The following OR5A2 variants were observed in gnomAD, a reference collection of about 807,000 sequenced individuals.
OR5A2 encodes olfactory receptor family 5 subfamily A member 2.
For missense variants in OR5A2, 406 were observed against 398.9 expected, an observed-to-expected ratio of 1.02 and a Z score of -0.15; for synonymous variants, 155 against 151.1, an observed-to-expected ratio of 1.03 and a Z score of -0.19.
At chr11:59,424,695 T>C (rs2134524917) in intron 1 of OR5A2, 1 of 152,356 alleles carries the variant, frequency 6.6e-6, no homozygotes, top group East Asian at 1.9e-4. Flanking sequence ...AAGGTTGCTG[T>C]ATTTTATTAT....
chr11:59,418,016 A>T lies in OR5A2; in HGVS notation c.*3963T>A, dbSNP rs1361050697. 2.6e-5 allele frequency: 4 copies of T among 152,066 alleles called. No individual in the cohort carries two copies. Among genetic ancestry groups the T allele is most frequent in the South Asian group, 2.1e-4 (1 of 4,830 alleles). 9.4% of individuals were successfully genotyped at this position (152,066 alleles called of 1,614,324 possible). A position where few individuals can be genotyped will look rare whatever the true frequency, so the allele number is the denominator to read the frequency against. On this transcript the variant is annotated 3_prime_UTR_variant, in exon 2 of 2. Coordinates refer to ENST00000302040, the MANE Select transcript of OR5A2 (RefSeq NM_001001954.2). ...GTCACAGAAGCATTTTAGAGAAAAAAATATATATTTCTTAGACCAAAAGTA... is the reference window on the plus strand; with the variant it reads ...GTCACAGAAGCATTTTAGAGAAAAATATATATATTTCTTAGACCAAAAGTA...
At position 59,422,609 on chromosome 11, in the gene OR5A2, G is replaced by C. The variant is rs1419965060; in HGVS notation, c.345C>G (p.Leu115=). ...FCGMGLTECF[L]LAAMAYDRYA... is the part of the protein sequence containing the mutation. ...ACCGGTCATAGGCCATAGCTGCCAG[G>C]AGAAAGCATTCAGTCAGCCCCATCC... The change falls in exon 2 of 2, where the codon CTC becomes CTG. Residue 115 remains leucine (L), a synonymous_variant. Coordinates refer to ENST00000302040, the MANE Select transcript of OR5A2 (RefSeq NM_001001954.2). 6.2e-7 allele frequency: 1 copy of C among 1,614,060 alleles called. No individual in the cohort carries two copies. Among genetic ancestry groups the C allele is most frequent in the Non-Finnish European group, 8.5e-7 (1 of 1,180,028 alleles).
At position 59,422,946 on chromosome 11, in the gene OR5A2, A is replaced by G. The variant is rs77907014; in HGVS notation, c.8T>C (p.Val3Ala). The change falls in exon 2 of 2, where the codon GTA becomes GCA. Residue 3 changes from valine (V) to alanine (A), a missense_variant. By Grantham distance (64) the Val-to-Ala change is moderately conservative. Coordinates refer to ENST00000302040, the MANE Select transcript of OR5A2 (RefSeq NM_001001954.2). MAVGRNNTIVTKF... is the reference protein window; with the variant it reads MAAGRNNTIVTKF... ...TGTCACAATTGTGTTGTTCCTTCCTACAGCCATAGGCCTGCTTCCTGCATA... is the reference window on the plus strand; with the variant it reads ...TGTCACAATTGTGTTGTTCCTTCCTGCAGCCATAGGCCTGCTTCCTGCATA... 2 of 1,612,180 alleles carry G rather than the reference A, an allele frequency of 1.2e-6. No homozygotes were observed. The highest frequency in any genetic ancestry group is 1.7e-6 in the Non-Finnish European group (2 of 1,178,982).
At chr11:59,425,613 T>A (rs1858293069) in intron 1 of OR5A2, 1 of 152,206 alleles carries the variant, frequency 6.6e-6, no homozygotes. Flanking sequence ...TGAACTGAAT[T>A]CCTTCCCAAA....
Position 59,422,770 on chromosome 11 carries a change from A to G in OR5A2, c.184T>C (p.Phe62Leu). The stretch of plus-strand genomic sequence containing the variant: ...AGGAAGGACAGGTTACTGAGGAAGA[A>G]GTACATGGGCATGTGCAGGTGAGAG... ...MDSHLHMPMY[F>L]FLSNLSFLDI... The change falls in exon 2 of 2, where the codon TTC becomes CTC. Residue 62 changes from phenylalanine to leucine, a missense_variant. By Grantham distance (22) the Phe-to-Leu change is conservative (BLOSUM62 0). Coordinates refer to ENST00000302040, the MANE Select transcript of OR5A2 (RefSeq NM_001001954.2). The G allele has an allele frequency of 6.2e-7, 1 of 1,614,164 alleles. No homozygotes were observed. Among genetic ancestry groups the G allele is most frequent in the African/African-American group, 1.3e-5 (1 of 75,050 alleles).
intron 1 of OR5A2, chr11:59,424,247 A>C (rs1409451272): frequency 1.3e-5 from 2 of 152,254 alleles, no homozygotes; most frequent in African/African-American, 2.4e-5. Context: ...TCTACTAAAA[A>C]TACAAAAATT....
chr11:59,422,350 T>G lies in OR5A2; in HGVS notation c.604A>C (p.Ile202Leu), dbSNP rs756412744. The stretch of plus-strand genomic sequence containing the variant: ...ACTATTCCAACGACAACACTGACTA[T>G]GAAGGTCACCACCTCGCTGGTGAAG... ...DTFTSEVVTFIVSVVVGIVSV... is the reference protein window; with the variant it reads ...DTFTSEVVTFLVSVVVGIVSV... The change falls in exon 2 of 2, where the codon ATA becomes CTA. Residue 202 changes from isoleucine (I) to leucine (L), a missense_variant. Coordinates refer to ENST00000302040, the MANE Select transcript of OR5A2 (RefSeq NM_001001954.2). 6.2e-7 allele frequency: 1 copy of G among 1,614,030 alleles called. No homozygotes were observed. The highest frequency in any genetic ancestry group is 8.5e-7 in the Non-Finnish European group (1 of 1,180,012).
rs769491960 is a variant in OR5A2, at chr11:59,422,006, T to C, written c.948A>G (p.Gly316=). The change falls in exon 2 of 2, where the codon GGA becomes GGG. Residue 316 remains glycine (G), a synonymous_variant. Coordinates refer to ENST00000302040, the MANE Select transcript of OR5A2 (RefSeq NM_001001954.2). ...AGCCCAAGGTCATAAAAATGAATGG[T>C]CCACCGTGAGAAATCCCGGGGTCCC... is the stretch of plus-strand genomic sequence containing the variant. The part of the protein sequence containing the change: ...MERDPGISHG[G]PFIFMTLG 2 of 1,611,466 alleles carry C rather than the reference T, an allele frequency of 1.2e-6. No individual in the cohort carries two copies. Among genetic ancestry groups the C allele is most frequent in the Admixed American group, 3.3e-5 (2 of 59,872 alleles).
At position 59,420,308 on chromosome 11, in the gene OR5A2, T is replaced by C. The variant is rs539135369; in HGVS notation, c.*1671A>G. ...ACTTAAAAGTGAATATTCTTAACCC[T>C]CTTTGCAAAAGTCCCTCCATATCCT... On this transcript the variant is annotated 3_prime_UTR_variant, in exon 2 of 2. Transcript: ENST00000302040. 4 of 152,268 alleles carry C rather than the reference T, an allele frequency of 2.6e-5. No homozygotes were observed. The South Asian group carries it at 8.3e-4, about 32-fold the overall frequency. The allele number at this position is 152,268 out of a possible 1,614,324, so 9.4% of individuals were successfully genotyped here.
Position 59,421,536 on chromosome 11 carries a change from C to T in OR5A2, c.*443G>A, listed in dbSNP as rs889717885. 6.3e-6 allele frequency: 1 copy of T among 159,242 alleles called. No individual in the cohort carries two copies. Among genetic ancestry groups the T allele is most frequent in the African/African-American group, 2.4e-5 (1 of 41,502 alleles). The allele number at this position is 159,242 out of a possible 1,614,324, so 9.9% of individuals were successfully genotyped here. ...TCTGAAACATGGGAAGGTATCTGCCCTGTGGTTTTCATGAGCTCTAAGGAA... is the reference window on the plus strand; with the variant it reads ...TCTGAAACATGGGAAGGTATCTGCCTTGTGGTTTTCATGAGCTCTAAGGAA... On this transcript the variant is annotated 3_prime_UTR_variant, in exon 2 of 2. Coordinates refer to ENST00000302040, the MANE Select transcript of OR5A2 (RefSeq NM_001001954.2).
Position 59,417,231 on chromosome 11 carries a change from T to G in OR5A2, c.*4748A>C, listed in dbSNP as rs1013363565. On this transcript the variant is annotated 3_prime_UTR_variant, in exon 2 of 2. Coordinates refer to ENST00000302040, the MANE Select transcript of OR5A2 (RefSeq NM_001001954.2). Reference sequence around the variant, plus strand: ...AAAGTGTGCGGTTAGTCTCTTCAACTAGATACTGCCAGCCATTTGGTCTGG... The same window carrying G: ...AAAGTGTGCGGTTAGTCTCTTCAACGAGATACTGCCAGCCATTTGGTCTGG... 30 of 152,140 alleles carry G rather than the reference T, an allele frequency of 2.0e-4. No individual in the cohort carries two copies. Among genetic ancestry groups the G allele is most frequent in the Admixed American group, 1.8e-3 (27 of 15,266 alleles). The allele number at this position is 152,140 out of a possible 1,614,324, so 9.4% of individuals were successfully genotyped here.
At chr11:59,423,143 G>A (rs1167789301) in intron 1 of OR5A2, 99 bp from the exon 2 acceptor site, 4 of 615,358 alleles carry the variant, frequency 6.5e-6, no homozygotes, top group African/African-American at 1.8e-5. Flanking sequence ...GTCAGCCTAG[G>A]ATAATCCATA....
At position 59,418,213 on chromosome 11, in the gene OR5A2, GCTTTGCTGTGATCC is replaced by G. The variant is rs1858180206; in HGVS notation, c.*3752_*3765del. 1 of 152,072 alleles carries G rather than the reference GCTTTGCTGTGATCC, an allele frequency of 6.6e-6. No homozygotes were observed. Among genetic ancestry groups the G allele is most frequent in the South Asian group, 2.1e-4 (1 of 4,826 alleles). 9.4% of individuals were successfully genotyped at this position (152,072 alleles called of 1,614,324 possible). ...TATCAGGAACTGATCCACTTTATCA[GCTTTGCTGTGATCC>G]CTTTCTCTCCAAATAGACTTTTCAT... On this transcript the variant is annotated 3_prime_UTR_variant, in exon 2 of 2. Coordinates refer to ENST00000302040, the MANE Select transcript of OR5A2 (RefSeq NM_001001954.2).
rs1269716399 is a variant in OR5A2 at position 59,417,410 on chromosome 11, C to G, written c.*4569G>C. The G allele has an allele frequency of 1.3e-5, 2 of 151,984 alleles. No homozygotes were observed. The highest frequency in any genetic ancestry group is 2.9e-5 in the Non-Finnish European group (2 of 68,060). 9.4% of individuals were successfully genotyped at this position (151,984 alleles called of 1,614,324 possible). On this transcript the variant is annotated 3_prime_UTR_variant, in exon 2 of 2. Coordinates refer to ENST00000302040, the MANE Select transcript of OR5A2 (RefSeq NM_001001954.2). Reference sequence around the variant, plus strand: ...CAGTATTACATATAGGAGGTCTTAACCAGCATAAGGGGAGAGAGAAACACA... The same window carrying G: ...CAGTATTACATATAGGAGGTCTTAAGCAGCATAAGGGGAGAGAGAAACACA...
At position 59,423,017 on chromosome 11, in the gene OR5A2, T is replaced by C. The variant is rs1858251695; in HGVS notation, c.-64A>G. 9.4e-6 allele frequency: 14 copies of C among 1,483,908 alleles called. No homozygotes were observed. Among genetic ancestry groups the C allele is most frequent in the Admixed American group, 8.2e-5 (4 of 49,038 alleles). 91.9% of individuals were successfully genotyped at this position (1,483,908 alleles called of 1,614,324 possible). ...AAGAATCCTGTGGTCAGCTAGATTT[T>C]GTTTGTTATTGTAAGAGTGGGTATT... On this transcript the variant is annotated 5_prime_UTR_variant, in exon 2 of 2. Coordinates refer to ENST00000302040, the MANE Select transcript of OR5A2 (RefSeq NM_001001954.2).
chr11:59,423,587 T>C (rs528443732), intron 1 of OR5A2: 1 of 151,992 alleles, frequency 6.6e-6, no homozygotes, highest in Non-Finnish European at 1.5e-5. Context: ...GGGAAAAAAA[T>C]TTGTGTGTGT....
intron 1 of OR5A2, 153 bp from the exon 2 acceptor site, chr11:59,423,197 A>G (rs1007178745): frequency 1.4e-5 from 6 of 426,118 alleles, no homozygotes; most frequent in African/African-American, 9.8e-5. Flanking sequence ...CTAATAATAA[A>G]GTAGAAACTG....
In OR5A2 at chr11:59,420,510, C is replaced by CA. The variant is rs1466371083; in HGVS notation, c.*1468_*1469insT. The CA allele has an allele frequency of 6.6e-6, 1 of 152,022 alleles. No individual in the cohort carries two copies. Among genetic ancestry groups the CA allele is most frequent in the African/African-American group, 2.4e-5 (1 of 41,394 alleles). The allele number at this position is 152,022 out of a possible 1,614,324, so 9.4% of individuals were successfully genotyped here. A position where few individuals can be genotyped will look rare whatever the true frequency, so the allele number is the denominator to read the frequency against. ...TATTCTAAGTATTTACATGTACTGACTCATTTAATTCTTCACAATAGTCCT... is the reference window on the plus strand; with the variant it reads ...TATTCTAAGTATTTACATGTACTGACATCATTTAATTCTTCACAATAGTCCT... On this transcript the variant is annotated 3_prime_UTR_variant, in exon 2 of 2. Coordinates refer to ENST00000302040, the MANE Select transcript of OR5A2 (RefSeq NM_001001954.2).
Position 59,421,159 on chromosome 11 carries a change from G to C in OR5A2, c.*820C>G, listed in dbSNP as rs1297936203. 6.5e-6 allele frequency: 1 copy of C among 152,954 alleles called. No homozygotes were observed. Among genetic ancestry groups the C allele is most frequent in the Non-Finnish European group, 1.5e-5 (1 of 68,668 alleles). 9.5% of individuals were successfully genotyped at this position (152,954 alleles called of 1,614,324 possible). On this transcript the variant is annotated 3_prime_UTR_variant, in exon 2 of 2. Coordinates refer to ENST00000302040, the MANE Select transcript of OR5A2 (RefSeq NM_001001954.2). ...ACTTACAATCATGGCAGAAGGCAAA[G>C]GGGGAGCAGGTACATCACATGACAA...
Sources: gnomAD v4.1 joint callset for allele counts on GRCh38, gnomAD v4.1.1 for gene constraint, MANE v1.5 for transcripts, NCBI Gene and HGNC (gene_info 2026-07-23, HGNC 2026-07-21) for gene names.